Variants in RTN1 observed in about 807,000 individuals in gnomAD.
RTN1 encodes the protein reticulon 1, also known as reticulon-1.
Under a neutral mutation model 65.5 loss-of-function variants are expected in RTN1, and 25 were observed. The observed-to-expected ratio is 0.38, with a 90% CI of 0.28 to 0.53. The LOEUF (loss-of-function observed/expected upper bound fraction) is 0.53, where lower values mean the gene tolerates loss of function less well. Among genes scored for constraint, RTN1 ranks in the 20% least tolerant of loss-of-function variants. The probability of loss-of-function intolerance (pLI) is 0.79; values close to 1 mark genes in which losing one functional copy is unlikely to be tolerated. For synonymous variants in RTN1, 471 were observed against 447.6 expected (o/e 1.05, Z -0.66); for missense variants, 983 against 1,025.4 (o/e 0.96, Z 0.57).
At chr14:59,763,362 C>CA (rs1490725467) in intron 1 of RTN1, among the ~76,000 whole-genome samples, 1 of 152,078 alleles carries the variant, frequency 6.6e-6, no homozygotes, top group Non-Finnish European at 1.5e-5. Context: ...GTTGATGAGC[C>CA]AGAGTTTGGG....
At position 59,804,384 on chromosome 14, in the gene RTN1, C is replaced by A. The variant is rs148040345; in HGVS notation, c.242-57903G>T. Among the ~76,000 whole-genome samples, 161 of 152,240 alleles carry A rather than the reference C, an allele frequency of 1.1e-3. 4 individuals are homozygous for A. In the East Asian group the frequency reaches 0.029, roughly 27 times the overall value. The stretch of plus-strand genomic sequence containing the variant: ...GACATGACATCGCTGGTGATATTAA[C>A]CTTGGTCACCTGAGGTAGTGTTCTC... On this transcript the variant is annotated intron_variant, in intron 1 of 8. Transcript: ENST00000267484.
intron 3 of RTN1, among the ~76,000 whole-genome samples, chr14:59,689,984 CTTT>C (rs113453078): frequency 1.3e-5 from 2 of 148,340 alleles, no homozygotes. Flanking sequence ...ATGTAATTTC[CTTT>C]TTTTTTTTTT....
rs1883575110 is a variant in RTN1, at chr14:59,674,351, T to C, written c.1765+52568A>G. On this transcript the variant is annotated intron_variant, in intron 3 of 8. Coordinates refer to ENST00000267484, the MANE Select transcript of RTN1 (RefSeq NM_021136.3). ...GATAGCATGCCTAGTGCTCCAGGCATGGACTAGATGCTGGAAAAATAAAGA... is the reference window on the plus strand; with the variant it reads ...GATAGCATGCCTAGTGCTCCAGGCACGGACTAGATGCTGGAAAAATAAAGA... Among the ~76,000 whole-genome samples the C allele has an allele frequency of 3.3e-5, 5 of 152,236 alleles. No individual in the cohort carries two copies. In the South Asian group the frequency reaches 1.0e-3, roughly 32 times the overall value.
Position 59,597,262 on chromosome 14 carries a change from C to T in RTN1, c.2289-475G>A, listed in dbSNP as rs184592761. On this transcript the variant is annotated intron_variant, in intron 8 of 8. Transcript: ENST00000267484. ...GTTCACCCTCAGAGTAGTCTAATTA[C>T]CCACAACTGGAATTTAAAAAGCTGG... Among the ~76,000 whole-genome samples, 303 of 152,244 alleles carry T rather than the reference C, an allele frequency of 2.0e-3. 3 individuals are homozygous for T. In the South Asian group the frequency reaches 0.025, roughly 13 times the overall value.
At chr14:59,658,794 C>G (rs768048567) in intron 3 of RTN1, among the ~76,000 whole-genome samples, 22 of 152,166 alleles carry the variant, frequency 1.4e-4, no homozygotes, top group Middle Eastern at 3.2e-3. Context: ...CACAAAATGG[C>G]TGAAAATTCC....
intron 1 of RTN1, among the ~76,000 whole-genome samples, chr14:59,796,339 C>T (rs1241005162): frequency 6.6e-6 from 1 of 152,036 alleles, no homozygotes; most frequent in Non-Finnish European, 1.5e-5. Context: ...TGCCTAATGA[C>T]CTAATCTCAG....
At chr14:59,749,134 A>ATATC (rs200420785) in intron 1 of RTN1, among the ~76,000 whole-genome samples, 51,572 of 64,642 alleles carry the variant, frequency 0.8, 21,977 homozygotes, top group South Asian at 0.88. Context: ...AGATATATCT[A>ATATC]TATCTATCTA....
At chr14:59,750,211 T>TTATATCTATAATATATA (rs1566713332) in intron 1 of RTN1, among the ~76,000 whole-genome samples, 29 of 26,782 alleles carry the variant, frequency 1.1e-3, no homozygotes, top group Non-Finnish European at 1.6e-3. Flanking sequence ...TAATATATAA[T>TTATATCTATAATATATA]ATATATATTA....
intron 3 of RTN1, among the ~76,000 whole-genome samples, chr14:59,642,440 A>G (rs182216105): frequency 6.6e-6 from 1 of 151,932 alleles, no homozygotes; most frequent in African/African-American, 2.4e-5. Flanking sequence ...TATGAAAGCA[A>G]TTTTTCATAT....
intron 1 of RTN1, among the ~76,000 whole-genome samples, chr14:59,863,284 T>C (rs1429956575): frequency 6.6e-6 from 1 of 152,032 alleles, no homozygotes; most frequent in East Asian, 1.9e-4. Flanking sequence ...ATAACAAAAC[T>C]CCCCCAAAGA....
At chr14:59,635,550 A>T (rs887340177) in intron 3 of RTN1, among the ~76,000 whole-genome samples, 17 of 152,228 alleles carry the variant, frequency 1.1e-4, no homozygotes, top group South Asian at 2.1e-4. Context: ...GAAGAGTAAA[A>T]GCATTCTACA....
At chr14:59,741,538 T>C (rs933371885) in intron 2 of RTN1, among the ~76,000 whole-genome samples, 3 of 152,244 alleles carry the variant, frequency 2.0e-5, no homozygotes, top group Non-Finnish European at 4.4e-5. Context: ...AATGGAACAA[T>C]GCCTGATGTG....
intron 2 of RTN1, among the ~76,000 whole-genome samples, chr14:59,732,475 T>G (rs577364355): frequency 4.6e-5 from 7 of 152,066 alleles, no homozygotes; most frequent in Admixed American, 1.3e-4. Flanking sequence ...CAGGGCAGGG[T>G]GACAGTCCAC....
chr14:59,710,026 C>T, intron 3 of RTN1, among the ~76,000 whole-genome samples: 1 of 143,874 alleles, frequency 7.0e-6, no homozygotes. Context: ...CTCCTCTCCT[C>T]TCCTCTCCCT....
chr14:59,787,168 A>C (rs1886263547), intron 1 of RTN1, among the ~76,000 whole-genome samples: 1 of 152,078 alleles, frequency 6.6e-6, no homozygotes, highest in South Asian at 2.1e-4. Flanking sequence ...ATAAATGATG[A>C]TTTGCACTGG....
chr14:59,684,716 G>C (rs944633029), intron 3 of RTN1, among the ~76,000 whole-genome samples: 3 of 151,738 alleles, frequency 2.0e-5, no homozygotes, highest in African/African-American at 2.4e-5. Flanking sequence ...TTTTTATATG[G>C]GGTACTTGAG....
chr14:59,762,028 G>GCATGTCGTGGTGTGGCATGA, intron 1 of RTN1, among the ~76,000 whole-genome samples: 1 of 152,164 alleles, frequency 6.6e-6, no homozygotes, highest in South Asian at 2.1e-4. Flanking sequence ...GTGTGGTATG[G>GCATGTCGTGGTGTGGCATGA]CATGCCGTGG....
chr14:59,830,924 C>A (rs554718982), intron 1 of RTN1, among the ~76,000 whole-genome samples: 2 of 152,242 alleles, frequency 1.3e-5, no homozygotes, highest in East Asian at 3.9e-4. Context: ...AAGCAATGCT[C>A]CAAATTCTCA....
chr14:59,623,672 C>G (rs1375365175), intron 3 of RTN1, among the ~76,000 whole-genome samples: 1 of 152,200 alleles, frequency 6.6e-6, no homozygotes, highest in Non-Finnish European at 1.5e-5. Context: ...TAATTAGCCA[C>G]AAAATCTTAA....
Sources: allele counts gnomAD v4.1 joint callset (sites outside exome capture counted in the v4.1 genomes callset), GRCh38; gene constraint gnomAD v4.1.1; transcripts MANE v1.5; gene names NCBI Gene and HGNC (gene_info 2026-07-23, HGNC 2026-07-21).